The following SP3 variants were observed in gnomAD, a reference collection of about 807,000 sequenced individuals.
The protein encoded by SP3 is transcription factor Sp3.
SP3 carries 10 observed loss-of-function variants against 70.3 expected under a neutral mutation model. That is an observed-to-expected ratio of 0.14 (90% confidence interval 0.09 to 0.24). The LOEUF is 0.24. Among genes scored for constraint, SP3 ranks in the 10% least tolerant of loss-of-function variants. The pLI, the probability that SP3 is intolerant of heterozygous loss-of-function variation, is 1.00. For missense variants in SP3, 825 were observed against 914.6 expected, an observed-to-expected ratio of 0.90 and a Z score of 1.26; for synonymous variants, 402 against 333.5, an observed-to-expected ratio of 1.21 and a Z score of -2.24.
Position 173,918,658 on chromosome 2 carries a change from A to T in SP3, c.1767T>A (p.His589Gln). Residue 589 changes from histidine to glutamine, a missense_variant, in exon 5 of 7, where the codon CAT (histidine) becomes CAA (glutamine). Physicochemically the swap from His to Gln is conservative, Grantham distance 24. Around this residue, in one of 4 missense-constraint regions of SP3, gnomAD observed 37 missense variants for 66.2 expected, o/e 0.56. Transcript: ENST00000310015. Reference protein sequence around the residue: ...QVVDEEGDQQHQEGKRLRRVA... With the variant: ...QVVDEEGDQQQQEGKRLRRVA... Reference sequence around the variant, plus strand: ...CCCTCCGAAGTCTTTTTCCTTCTTGATGTTGTTGGTCCCCTTCTTCATCTA... The same window carrying T: ...CCCTCCGAAGTCTTTTTCCTTCTTGTTGTTGTTGGTCCCCTTCTTCATCTA... 3.1e-6 allele frequency: 5 copies of T among 1,613,634 alleles called. No individual in the cohort carries two copies. The highest frequency in any genetic ancestry group is 4.2e-6 in the Non-Finnish European group (5 of 1,179,788).
rs1274644788 is a variant in SP3, at chr2:173,902,433, T to G, written c.*7508A>C. Among the ~76,000 whole-genome samples, 1 of 152,200 alleles carries G rather than the reference T, an allele frequency of 6.6e-6. No homozygotes were observed. Among genetic ancestry groups the G allele is most frequent in the Non-Finnish European group, 1.5e-5 (1 of 68,034 alleles). ...TCAATTTGGAAGTATCTGGTGAAACTGAAGATTAAGAATATCCTGTTGGCC... is the reference window on the plus strand; with the variant it reads ...TCAATTTGGAAGTATCTGGTGAAACGGAAGATTAAGAATATCCTGTTGGCC... On this transcript the variant is annotated 3_prime_UTR_variant, in exon 7 of 7. Transcript: ENST00000310015.
intron 4 of SP3, among the ~76,000 whole-genome samples, chr2:173,926,404 CTATG>C (rs1689910239): frequency 6.6e-6 from 1 of 152,046 alleles, no homozygotes; most frequent in African/African-American, 2.4e-5. Flanking sequence ...CTTCCAGGTT[CTATG>C]TATGTATTTA....
chr2:173,964,200 A>AAGGCGGCAGGCGGGCGAGGCG, intron 2 of SP3: 1 of 455,612 alleles, frequency 2.2e-6, no homozygotes, highest in Non-Finnish European at 3.9e-6. Context: ...CGCGCACAAA[A>AAGGCGGCAGGCGGGCGAGGCG]AGGCGGCAGG....
intron 2 of SP3, 48 bp from the exon 3 acceptor site, chr2:173,963,931 G>T: frequency 7.4e-7 from 1 of 1,343,856 alleles, no homozygotes; most frequent in East Asian, 3.1e-5. Context: ...GGAGGGGGTG[G>T]CGGTTAGGGT....
At position 173,905,320 on chromosome 2, in the gene SP3, C is replaced by A. The variant is rs1028301826; in HGVS notation, c.*4621G>T. On this transcript the variant is annotated 3_prime_UTR_variant, in exon 7 of 7. Transcript: ENST00000310015. The stretch of plus-strand genomic sequence containing the variant: ...TGAATCTCTACCGTTAAGTCAGGCA[C>A]TATGCTGAATGCTTATATTTTAATA... 1.9e-4 allele frequency among the ~76,000 whole-genome samples: 29 copies of A among 152,274 alleles called. No individual in the cohort carries two copies. Among genetic ancestry groups the A allele is most frequent in the African/African-American group, 7.0e-4 (29 of 41,552 alleles).
chr2:173,913,152 G>C lies in SP3; in HGVS notation c.1947C>G (p.Arg649=). 6.2e-7 allele frequency: 1 copy of C among 1,613,580 alleles called. No individual in the cohort carries two copies. The highest frequency in any genetic ancestry group is 8.5e-7 in the Non-Finnish European group (1 of 1,179,698). The change falls in exon 6 of 7, where the codon CGC becomes CGG. Residue 649 remains arginine (R), a synonymous_variant. Transcript: ENST00000310015. ...AGTACATCCAGTTACAAACAAAAGG[G>C]CGTTCTCCAGAATGCCAACGCAGAT... is the stretch of plus-strand genomic sequence containing the variant. ...RAHLRWHSGE[R]PFVCNWMYCG... is the part of the protein sequence containing the mutation.
At chr2:173,948,695 T>C (rs1016815738) in intron 4 of SP3, among the ~76,000 whole-genome samples, 1 of 152,182 alleles carries the variant, frequency 6.6e-6, no homozygotes, top group Non-Finnish European at 1.5e-5. Flanking sequence ...TTCCATAATG[T>C]TTTTGTTTTC....
intron 3 of SP3, among the ~76,000 whole-genome samples, chr2:173,960,813 A>C (rs6704796): frequency 0.072 from 10,609 of 146,912 alleles, 545 homozygotes; most frequent in African/African-American, 0.14. Flanking sequence ...CACTAAAAAT[A>C]CAAAAAAAAA....
At chr2:173,950,802 C>A (rs1690689635) in intron 4 of SP3, among the ~76,000 whole-genome samples, 1 of 152,258 alleles carries the variant, frequency 6.6e-6, no homozygotes, top group South Asian at 2.1e-4. Flanking sequence ...ACATATCTCC[C>A]TTCTTGCCAA....
intron 4 of SP3, among the ~76,000 whole-genome samples, chr2:173,947,162 CTT>C (rs1690567657): frequency 6.6e-6 from 1 of 152,192 alleles, no homozygotes; most frequent in South Asian, 2.1e-4. Flanking sequence ...TGAAATAAAA[CTT>C]GATCTGTAGA....
At chr2:173,947,569 T>C (rs1690582658) in intron 4 of SP3, among the ~76,000 whole-genome samples, 1 of 152,228 alleles carries the variant, frequency 6.6e-6, no homozygotes, top group Non-Finnish European at 1.5e-5. Context: ...TCCGTATTTA[T>C]TGTTTTTGTT....
chr2:173,924,108 G>A (rs992418043), intron 4 of SP3, among the ~76,000 whole-genome samples: 3 of 151,918 alleles, frequency 2.0e-5, no homozygotes, highest in Non-Finnish European at 4.4e-5. Flanking sequence ...AAATATAGAT[G>A]GATGGTTAAT....
chr2:173,935,584 G>A lies in SP3; in HGVS notation c.1640-16799C>T, dbSNP rs77790522. On this transcript the variant is annotated intron_variant, in intron 4 of 6. Coordinates refer to ENST00000310015, the MANE Select transcript of SP3 (RefSeq NM_003111.5). ...TAGAAAATGTACACACTTCCTGCAC[G>A]TTTTATGGTCCACACTCCACCATCC... Among the ~76,000 whole-genome samples the A allele has an allele frequency of 3.8e-3, 584 of 152,212 alleles. 2 individuals carry two copies. Among genetic ancestry groups the A allele is most frequent in the Non-Finnish European group, 6.9e-3 (470 of 68,010 alleles).
At chr2:173,953,764 T>C (rs1690789053) in intron 4 of SP3, among the ~76,000 whole-genome samples, 1 of 128,096 alleles carries the variant, frequency 7.8e-6, no homozygotes, top group South Asian at 2.6e-4. Context: ...CGAGACTCCA[T>C]CTCAAAAAAC....
intron 3 of SP3, among the ~76,000 whole-genome samples, chr2:173,962,090 T>C (rs1301257798): frequency 1.3e-5 from 2 of 152,118 alleles, no homozygotes; most frequent in Admixed American, 6.5e-5. Context: ...AGTGATTTGG[T>C]AATTCAGAAA....
chr2:173,930,866 T>C (rs1190203084), intron 4 of SP3, among the ~76,000 whole-genome samples: 1 of 152,196 alleles, frequency 6.6e-6, no homozygotes, highest in African/African-American at 2.4e-5. Context: ...GTACGTTAAC[T>C]TCAAATTTTC....
chr2:173,901,084 C>T lies in SP3; in HGVS notation c.*8857G>A, dbSNP rs1480899362. ...TAAATAACAGAGAGGGCATTATAAT[C>T]AGCAGGGAAACGTTGGACCATTCAA... is the stretch of plus-strand genomic sequence containing the variant. On this transcript the variant is annotated 3_prime_UTR_variant, in exon 7 of 7. Transcript: ENST00000310015. 6.6e-6 allele frequency among the ~76,000 whole-genome samples: 1 copy of T among 152,150 alleles called. No homozygotes were observed. The highest frequency in any genetic ancestry group is 2.4e-5 in the African/African-American group (1 of 41,438).
At chr2:173,926,505 G>A (rs916460842) in intron 4 of SP3, among the ~76,000 whole-genome samples, 1 of 152,024 alleles carries the variant, frequency 6.6e-6, no homozygotes, top group Admixed American at 6.5e-5. Flanking sequence ...GCATCCTGTA[G>A]AACGCACCAG....
At chr2:173,916,893 C>T (rs1323257288) in intron 5 of SP3, 1 of 152,042 alleles carries the variant, frequency 6.6e-6, no homozygotes, top group Admixed American at 6.6e-5. Context: ...CAACAGAATA[C>T]TATACAGCCA....
Sources: allele counts gnomAD v4.1 joint callset (sites outside exome capture counted in the v4.1 genomes callset), GRCh38; gene constraint gnomAD v4.1.1; regional missense constraint gnomAD v4.1.1; transcripts MANE v1.5; gene names NCBI Gene and HGNC (gene_info 2026-07-23, HGNC 2026-07-21).